ATXN7L1: variants seen among roughly 807,000 people sequenced by gnomAD.
ATXN7L1 encodes the protein ataxin 7 like 1.
A neutral mutation model predicts 70.8 loss-of-function variants in ATXN7L1; 15 were observed. The observed-to-expected ratio is 0.21, with a 90% CI of 0.14 to 0.33. The LOEUF (loss-of-function observed/expected upper bound fraction) is 0.33, where lower values mean the gene tolerates loss of function less well. ATXN7L1 is among the 10% of genes least tolerant of loss of function. ATXN7L1 has a pLI of 1.00. For synonymous variants in ATXN7L1, 440 were observed against 445.1 expected, an observed-to-expected ratio of 0.99 and a Z score of 0.14; for missense variants, 975 against 1,097.1, an observed-to-expected ratio of 0.89 and a Z score of 1.57.
At chr7:105,781,636 T>TC (rs1179975259) in intron 3 of ATXN7L1, among the ~76,000 whole-genome samples, 1 of 151,954 alleles carries the variant, frequency 6.6e-6, no homozygotes, top group Admixed American at 6.6e-5. Flanking sequence ...CTGTAGCTTA[T>TC]CCCTCAGTTA....
intron 3 of ATXN7L1, among the ~76,000 whole-genome samples, chr7:105,775,289 C>T (rs974496830): frequency 3.3e-5 from 5 of 152,148 alleles, no homozygotes; most frequent in African/African-American, 9.7e-5. Flanking sequence ...TTTAACAGCA[C>T]CTTTTTCTGG....
At chr7:105,838,089 A>G (rs1292716927) in intron 2 of ATXN7L1, among the ~76,000 whole-genome samples, 3 of 152,200 alleles carry the variant, frequency 2.0e-5, no homozygotes, top group African/African-American at 7.2e-5. Flanking sequence ...TGTGTAGACA[A>G]TAAAGCGCAA....
At chr7:105,710,657 CA>C (rs34212592) in intron 3 of ATXN7L1, among the ~76,000 whole-genome samples, 7,542 of 151,906 alleles carry the variant, frequency 0.05, 233 homozygotes, top group Admixed American at 0.07. Flanking sequence ...GTGATCCACC[CA>C]CCTCGGCCTC....
intron 2 of ATXN7L1, among the ~76,000 whole-genome samples, chr7:105,870,370 CTAAAAA>C (rs1217184328): frequency 1.3e-5 from 2 of 151,914 alleles, no homozygotes; most frequent in Non-Finnish European, 2.9e-5. Flanking sequence ...ATGGTTTACT[CTAAAAA>C]TAAAGTTTCT....
intron 2 of ATXN7L1, among the ~76,000 whole-genome samples, chr7:105,806,894 G>T (rs1225207698): frequency 6.7e-6 from 1 of 149,906 alleles, no homozygotes; most frequent in Non-Finnish European, 1.5e-5. Context: ...ACTGGCAGTT[G>T]CTGTGGGGGG....
chr7:105,776,142 C>G (rs957502183), intron 3 of ATXN7L1, among the ~76,000 whole-genome samples: 1 of 152,184 alleles, frequency 6.6e-6, no homozygotes, highest in South Asian at 2.1e-4. Flanking sequence ...GAATTCTCCT[C>G]GGTGGATACA....
intron 3 of ATXN7L1, among the ~76,000 whole-genome samples, chr7:105,757,158 C>T (rs562466765): frequency 6.6e-6 from 1 of 152,102 alleles, no homozygotes; most frequent in South Asian, 2.1e-4. Flanking sequence ...TGCTCGCTCT[C>T]TATTCTTATT....
At chr7:105,802,932 G>A (rs1807034556) in intron 2 of ATXN7L1, among the ~76,000 whole-genome samples, 2 of 152,222 alleles carry the variant, frequency 1.3e-5, no homozygotes, top group Admixed American at 1.3e-4. Context: ...CAGCAGCTTC[G>A]TAGTGTAAAC....
At position 105,637,185 on chromosome 7, in the gene ATXN7L1, C is replaced by T. The variant is rs1208820921; in HGVS notation, c.1202+1168G>A. The stretch of plus-strand genomic sequence containing the variant: ...CCTCCTGAATGCCTGAGGCTGAGCT[C>T]GGCCATAATGACAGAGGGACTCTGG... On this transcript the variant is annotated intron_variant, in intron 7 of 11. Transcript: ENST00000419735. Among the ~76,000 whole-genome samples, 4 of 152,198 alleles carry T rather than the reference C, an allele frequency of 2.6e-5. No homozygotes were observed. In the South Asian group the frequency reaches 6.2e-4, roughly 24 times the overall value.
intron 2 of ATXN7L1, among the ~76,000 whole-genome samples, chr7:105,832,098 C>T (rs763107318): frequency 1.3e-5 from 2 of 151,832 alleles, no homozygotes; most frequent in Non-Finnish European, 2.9e-5. Flanking sequence ...GTGGGGAGGG[C>T]CTATTGAAGA....
chr7:105,733,621 T>C (rs1339893092), intron 3 of ATXN7L1, among the ~76,000 whole-genome samples: 8 of 99,394 alleles, frequency 8.0e-5, no homozygotes, highest in Non-Finnish European at 1.1e-4. Flanking sequence ...CATCCATCCA[T>C]CCATCCATCC....
chr7:105,761,384 C>G (rs750492655), intron 3 of ATXN7L1: 1 of 1,614,012 alleles, frequency 6.2e-7, no homozygotes, highest in Non-Finnish European at 8.5e-7. Context: ...ATTCTCACAC[C>G]TGATGCTTCT....
chr7:105,716,711 AC>A, intron 3 of ATXN7L1, among the ~76,000 whole-genome samples: 1 of 114,852 alleles, frequency 8.7e-6, no homozygotes, highest in Non-Finnish European at 1.7e-5. Flanking sequence ...ACACACACAC[AC>A]ACACACACAG....
chr7:105,716,034 G>A (rs1794503203), intron 3 of ATXN7L1, among the ~76,000 whole-genome samples: 1 of 152,110 alleles, frequency 6.6e-6, no homozygotes, highest in South Asian at 2.1e-4. Context: ...AGAAAAAAGA[G>A]ATGGTGTTGG....
At chr7:105,624,706 T>C (rs1011451585) in intron 7 of ATXN7L1, among the ~76,000 whole-genome samples, 2 of 149,200 alleles carry the variant, frequency 1.3e-5, no homozygotes, top group African/African-American at 4.9e-5. Flanking sequence ...GGAGGGCACA[T>C]TGGTGGTGAC....
chr7:105,789,446 CG>C (rs1177137271), intron 2 of ATXN7L1, among the ~76,000 whole-genome samples: 1 of 152,142 alleles, frequency 6.6e-6, no homozygotes, highest in Non-Finnish European at 1.5e-5. Flanking sequence ...AGGAGACACA[CG>C]GGGTCCCCTG....
intron 3 of ATXN7L1, among the ~76,000 whole-genome samples, chr7:105,692,592 A>G (rs1385333757): frequency 6.6e-6 from 1 of 151,822 alleles, no homozygotes; most frequent in Non-Finnish European, 1.5e-5. Context: ...GATTACAGGC[A>G]TGCACCACTA....
chr7:105,658,838 A>G (rs1254441837), intron 4 of ATXN7L1, among the ~76,000 whole-genome samples: 1 of 151,414 alleles, frequency 6.6e-6, no homozygotes, highest in Non-Finnish European at 1.5e-5. Context: ...CTGGCCAATG[A>G]CTACTATTAA....
At chr7:105,694,362 A>G (rs1364454383) in intron 3 of ATXN7L1, among the ~76,000 whole-genome samples, 1 of 152,210 alleles carries the variant, frequency 6.6e-6, no homozygotes, top group African/African-American at 2.4e-5. Context: ...TGAGTCTTCA[A>G]TCAGCCCTGT....
Sources: allele counts gnomAD v4.1 joint callset (sites outside exome capture counted in the v4.1 genomes callset), GRCh38; gene constraint gnomAD v4.1.1; transcripts MANE v1.5; gene names NCBI Gene and HGNC (gene_info 2026-07-23, HGNC 2026-07-21).